SRPRA: variants seen among roughly 807,000 people sequenced by gnomAD.
The protein encoded by SRPRA is signal recognition particle receptor subunit alpha.
In SRPRA, 30 loss-of-function variants were observed where a neutral mutation model predicts 61.1. The ratio of observed to expected loss-of-function variants is 0.49; its 90% CI spans 0.37 to 0.67. The LOEUF is 0.67. Among genes scored for constraint, SRPRA ranks in the 30% least tolerant of loss-of-function variants. The pLI is 0.00. For missense variants in SRPRA, 759 were observed against 828.4 expected, an observed-to-expected ratio of 0.92 and a Z score of 1.03; for synonymous variants, 324 against 299.7, an observed-to-expected ratio of 1.08 and a Z score of -0.84.
chr11:126,254,473 CT>C, the SRPRA span: 6 of 1,609,544 alleles, frequency 3.7e-6, no homozygotes, highest in Non-Finnish European at 5.1e-6. Flanking sequence ...GAACTCCTTC[CT>C]GGGAAATCTC....
chr11:126,250,461 C>G, the SRPRA span: 3 of 1,389,244 alleles, frequency 2.2e-6, no homozygotes, highest in African/African-American at 4.3e-5. This position sits in a 1 kb window ranked among gnomAD's most constrained non-coding sequence, Gnocchi z 5.1. Context: ...AACTGACCTA[C>G]CAAAGCACTT....
chr11:126,265,045 T>C lies in SRPRA; in HGVS notation c.1439A>G (p.Lys480Arg), dbSNP rs1950778443. Residue 480 changes from lysine (K) to arginine (R), a missense_variant, in exon 11 of 14, where the codon AAG becomes AGG. By Grantham distance (26) the Lys-to-Arg change is conservative. This residue lies in a region of SRPRA where 284 missense variants were observed against 365.9 expected (regional missense o/e 0.78). Transcript: ENST00000332118. The surrounding 1 kb of genome is among the most constrained non-coding windows in gnomAD (Gnocchi z 6.3). ...RRLSALHPPE[K>R]HGGRTMVQLF... ...CTGCACCATGGTGCGGCCACCATGC[T>C]TCTCTGGAGGGTGTAGGGCACTCAA... 1 of 1,614,084 alleles carries C rather than the reference T, an allele frequency of 6.2e-7. No individual in the cohort carries two copies. The highest frequency in any genetic ancestry group is 1.1e-5 in the South Asian group (1 of 91,084).
Position 126,265,961 on chromosome 11 carries a change from A to G in SRPRA, c.1051+2T>C. On this transcript the variant is annotated splice_donor_variant, in intron 8 of 13. Transcript: ENST00000332118. LOFTEE classifies it high-confidence loss of function. The surrounding 1 kb of genome is among the most constrained non-coding windows in gnomAD (Gnocchi z 6.3). ...TGAGTCAGCCCGGTCCTCAGAACTT[A>G]CCAATGAGATGATCACGCATCTTGT... The G allele has an allele frequency of 6.2e-7, 1 of 1,614,078 alleles. No individual in the cohort carries two copies. Among genetic ancestry groups the G allele is most frequent in the Non-Finnish European group, 8.5e-7 (1 of 1,179,956 alleles).
chr11:126,268,378 T>C (rs1197838702), intron 1 of SRPRA, among the ~76,000 whole-genome samples: 2 of 152,170 alleles, frequency 1.3e-5, no homozygotes, highest in African/African-American at 4.8e-5. Flanking sequence ...GTAAAGGTGT[T>C]TTCCCATCTG....
chr11:126,257,346 C>T, the SRPRA span, among the ~76,000 whole-genome samples: 3 of 152,120 alleles, frequency 2.0e-5, no homozygotes, highest in Admixed American at 6.5e-5. Flanking sequence ...TGGATGATTG[C>T]ACAATCACAC....
At chr11:126,247,616 T>C in the SRPRA span, among the ~76,000 whole-genome samples, 1 of 151,952 alleles carries the variant, frequency 6.6e-6, no homozygotes, top group Non-Finnish European at 1.5e-5. Flanking sequence ...TCCCAACACT[T>C]TGGGAGGCCG....
Position 126,265,197 on chromosome 11 carries a change from C to CACCTAAT in SRPRA, c.1312-26_1312-25insATTAGGT. The CACCTAAT allele has an allele frequency of 6.2e-7, 1 of 1,613,886 alleles. No individual in the cohort carries two copies. Among genetic ancestry groups the CACCTAAT allele is most frequent in the Admixed American group, 1.7e-5 (1 of 59,990 alleles). On this transcript the variant is annotated intron_variant, in intron 10 of 13. Transcript: ENST00000332118. This position sits in a 1 kb window ranked among gnomAD's most constrained non-coding sequence, Gnocchi z 6.3. ...TCTGTGAAAAAGACGTAAGAAAAGT[C>CACCTAAT]ACCTAAAGCCAGGATTTTGAGACAC...
Position 126,264,114 on chromosome 11 carries a change from C to T in SRPRA, c.1789-70G>A, listed in dbSNP as rs1408827512. The T allele has an allele frequency of 4.3e-6, 7 of 1,612,106 alleles. No homozygotes were observed. The highest frequency in any genetic ancestry group is 2.2e-5 in the East Asian group (1 of 44,878). On this transcript the variant is annotated intron_variant, in intron 13 of 13. Coordinates refer to ENST00000332118, the MANE Select transcript of SRPRA (RefSeq NM_003139.4). The surrounding 1 kb of genome is among the most constrained non-coding windows in gnomAD (Gnocchi z 5.0). ...CACTCACCCTCTCAGGAACAGGAAG[C>T]GCTGGAGCCAAGATTTCCTTGCAGC...
At chr11:126,262,273 G>C (rs1488304044), downstream of SRPRA, 3 of 846,212 alleles carry the variant, frequency 3.5e-6, no homozygotes, top group Non-Finnish European at 5.8e-6. Context: ...GGGTAGAAGA[G>C]GGGGGAATGT....
chr11:126,267,360 T>C lies in SRPRA; in HGVS notation c.366-25A>G. 3 of 1,612,276 alleles carry C rather than the reference T, an allele frequency of 1.9e-6. No homozygotes were observed. The highest frequency in any genetic ancestry group is 2.5e-6 in the Non-Finnish European group (3 of 1,179,326). On this transcript the variant is annotated intron_variant, in intron 3 of 13. Transcript: ENST00000332118. This position sits in a 1 kb window ranked among gnomAD's most constrained non-coding sequence, Gnocchi z 4.2. ...ACTAAACAAAAAGGAGAATGGTTTA[T>C]CTTTCTACCCCATGCAGAAGGAAAA...
rs750056465 is a variant in SRPRA at position 126,265,463 on chromosome 11, T to C, written c.1139-23A>G. On this transcript the variant is annotated intron_variant, in intron 9 of 13. Transcript: ENST00000332118. The surrounding 1 kb of genome is among the most constrained non-coding windows in gnomAD (Gnocchi z 6.3). ...CCGCTGAAAGGGGAGGTGGAGGAGG[T>C]TGCAGCTGTGAAACTCAAGGAATGC... 25 of 1,600,450 alleles carry C rather than the reference T, an allele frequency of 1.6e-5. No homozygotes were observed. The highest frequency in any genetic ancestry group is 5.4e-5 in the African/African-American group (4 of 74,474).
chr11:126,254,260 T>G, the SRPRA span: 48 of 1,595,662 alleles, frequency 3.0e-5, no homozygotes, highest in Non-Finnish European at 2.6e-6. Flanking sequence ...TTTAAACAGG[T>G]GCTCAGCCCT....
At chr11:126,241,140 G>A in the SRPRA span, 4 of 1,262,334 alleles carry the variant, frequency 3.2e-6, no homozygotes, top group East Asian at 4.7e-5. Context: ...CATGCCAAAT[G>A]TAACAGGGAT....
At chr11:126,252,584 AG>A in the SRPRA span, among the ~76,000 whole-genome samples, 1 of 152,112 alleles carries the variant, frequency 6.6e-6, no homozygotes, top group African/African-American at 2.4e-5. The surrounding 1 kb of genome is among the most constrained non-coding windows in gnomAD (Gnocchi z 4.7). Context: ...CTCTACAAAA[AG>A]TTTAAAAATT....
chr11:126,241,200 T>C, the SRPRA span: 2 of 705,354 alleles, frequency 2.8e-6, no homozygotes, highest in East Asian at 2.7e-5. Context: ...TTCTGCGCAA[T>C]GTCTGTTTAT....
chr11:126,267,581 A>T lies in SRPRA; in HGVS notation c.333T>A (p.Phe111Leu). 1 of 1,614,116 alleles carries T rather than the reference A, an allele frequency of 6.2e-7. No homozygotes were observed. The highest frequency in any genetic ancestry group is 8.5e-7 in the Non-Finnish European group (1 of 1,180,034). ...QSALSLLNGT[F>L]DFQNDFLRLL... is the part of the protein sequence containing the mutation. The stretch of plus-strand genomic sequence containing the variant: ...GCCGCAGGAAGTCATTTTGGAAATC[A>T]AAAGTGCCATTTAATAAACTTAAAG... Residue 111 changes from phenylalanine (F) to leucine (L), a missense_variant, in exon 3 of 14, where the codon TTT (phenylalanine) becomes TTA (leucine). Phe to Leu is a conservative substitution (Grantham distance 22). This residue lies in a region of SRPRA where 475 missense variants were observed against 462.5 expected (regional missense o/e 1.03). Transcript: ENST00000332118. This position sits in a 1 kb window ranked among gnomAD's most constrained non-coding sequence, Gnocchi z 4.2.
chr11:126,242,692 T>TCTAG, the SRPRA span, among the ~76,000 whole-genome samples: 1 of 152,180 alleles, frequency 6.6e-6, no homozygotes, highest in African/African-American at 2.4e-5. Context: ...AAGGTGCCAT[T>TCTAG]TCACACCCGC....
the SRPRA span, among the ~76,000 whole-genome samples, chr11:126,257,232 C>A: frequency 6.6e-6 from 1 of 152,122 alleles, no homozygotes; most frequent in Non-Finnish European, 1.5e-5. Flanking sequence ...GTTAGTACAA[C>A]TTTTATGACC....
Position 126,265,404 on chromosome 11 carries a change from G to A in SRPRA, c.1175C>T (p.Ser392Phe). 6.2e-7 allele frequency: 1 copy of A among 1,613,926 alleles called. No individual in the cohort carries two copies. Among genetic ancestry groups the A allele is most frequent in the Non-Finnish European group, 8.5e-7 (1 of 1,180,008 alleles). Residue 392 changes from serine (S) to phenylalanine (F), a missense_variant, in exon 10 of 14, where the codon TCC becomes TTC. Ser to Phe is a radical substitution (Grantham distance 155). Coordinates refer to ENST00000332118, the MANE Select transcript of SRPRA (RefSeq NM_003139.4). This position sits in a 1 kb window ranked among gnomAD's most constrained non-coding sequence, Gnocchi z 6.3. ...CTGTGGCTGCAGAATCTGCACCAGG[G>A]ACTCCTGTAGGGCTTGCTTTACTGT... ...TSTVKQALQE[S>F]LVQILQPQRR...
Sources: gnomAD v4.1 joint callset for allele counts (sites outside exome capture counted in the v4.1 genomes callset) on GRCh38, gnomAD v4.1.1 for gene constraint, gnomAD v4.1.1 regional missense constraint, Gnocchi (gnomAD v3.1) non-coding constraint, MANE v1.5 for transcripts, NCBI Gene and HGNC (gene_info 2026-07-23, HGNC 2026-07-21) for gene names.